Variants in LYN observed in about 807,000 individuals in gnomAD.
LYN encodes LYN proto-oncogene, Src family tyrosine kinase, also known as tyrosine-protein kinase Lyn.
A neutral mutation model predicts 65.0 loss-of-function variants in LYN; 12 were observed. The observed-to-expected ratio is 0.18, with a 90% CI of 0.12 to 0.30. LYN has a LOEUF of 0.30. Ranked by LOEUF, LYN falls within the 10% of genes least tolerant of loss-of-function variation. The pLI, the probability that LYN is intolerant of heterozygous loss-of-function variation, is 1.00. For missense variants in LYN, 380 were observed against 623.2 expected (o/e 0.61, Z 4.16); for synonymous variants, 222 against 221.2 (o/e 1.00, Z -0.03).
intron 8 of LYN, among the ~76,000 whole-genome samples, chr8:55,964,468 A>G (rs955498139): frequency 2.0e-5 from 3 of 152,232 alleles, no homozygotes; most frequent in African/African-American, 7.2e-5. Flanking sequence ...ACATCATTGG[A>G]TAGGTTGACT....
At chr8:55,942,804 G>C (rs886272614) in intron 2 of LYN, among the ~76,000 whole-genome samples, 1 of 139,916 alleles carries the variant, frequency 7.1e-6, no homozygotes, top group South Asian at 2.2e-4. Flanking sequence ...AAAAAAAAAA[G>C]ATGTAGTGAG....
rs1808776958 is a variant in LYN at position 56,010,216 on chromosome 8, C to T, written c.*106C>T. ...GATTTCATGTGCGGGGATCATCTGCCGTGCCTGGATCCTGAAATAGAGGCT... is the reference window on the plus strand; with the variant it reads ...GATTTCATGTGCGGGGATCATCTGCTGTGCCTGGATCCTGAAATAGAGGCT... On this transcript the variant is annotated 3_prime_UTR_variant, in exon 13 of 13. Transcript: ENST00000519728. 3.5e-6 allele frequency: 4 copies of T among 1,149,254 alleles called. No homozygotes were observed. In the African/African-American group the frequency reaches 4.6e-5, roughly 13 times the overall value. 71.2% of individuals were successfully genotyped at this position (1,149,254 alleles called of 1,614,324 possible). A position where few individuals can be genotyped will look rare whatever the true frequency, so the allele number is the denominator to read the frequency against.
rs576382993 is a variant in LYN, at chr8:55,946,884, C to T, written c.178+391C>T. ...ATTATTTCACTTAGCCTGATGTCCT[C>T]AAGGTTCATCCATGCTGTAGAAAGT... is the stretch of plus-strand genomic sequence containing the variant. On this transcript the variant is annotated intron_variant, in intron 3 of 12. Coordinates refer to ENST00000519728, the MANE Select transcript of LYN (RefSeq NM_002350.4). Among the ~76,000 whole-genome samples the T allele has an allele frequency of 5.9e-5, 9 of 152,324 alleles. No individual in the cohort carries two copies. The South Asian group carries it at 1.9e-3, about 32-fold the overall frequency.
chr8:55,986,050 T>A (rs1354754998), intron 10 of LYN, among the ~76,000 whole-genome samples: 1 of 152,010 alleles, frequency 6.6e-6, no homozygotes, highest in East Asian at 1.9e-4. Flanking sequence ...GCACCTGTGG[T>A]CCCAGTTACT....
intron 10 of LYN, among the ~76,000 whole-genome samples, chr8:55,971,156 A>T (rs1807598669): frequency 6.6e-6 from 1 of 152,232 alleles, no homozygotes. Context: ...CCAACATCTA[A>T]TAAGAAAGAA....
Position 55,958,846 on chromosome 8 carries a change from G to A in LYN, c.790+4862G>A, listed in dbSNP as rs529111640. Among the ~76,000 whole-genome samples, 3 of 152,196 alleles carry A rather than the reference G, an allele frequency of 2.0e-5. No homozygotes were observed. The South Asian group carries it at 6.2e-4, about 32-fold the overall frequency. Reference sequence around the variant, plus strand: ...CCTTTATATGCATACATAACCTTTTGTTTATTCATCTATTGATGGACAATT... The same window carrying A: ...CCTTTATATGCATACATAACCTTTTATTTATTCATCTATTGATGGACAATT... On this transcript the variant is annotated intron_variant, in intron 8 of 12. Coordinates refer to ENST00000519728, the MANE Select transcript of LYN (RefSeq NM_002350.4).
At chr8:56,003,469 A>C (rs1808587623) in intron 12 of LYN, among the ~76,000 whole-genome samples, 1 of 152,156 alleles carries the variant, frequency 6.6e-6, no homozygotes. Flanking sequence ...GTTCGAGACC[A>C]GCCTGGACAA....
At chr8:55,906,746 G>GA (rs11417224) in intron 1 of LYN, among the ~76,000 whole-genome samples, 26,018 of 150,946 alleles carry the variant, frequency 0.17, 2,397 homozygotes, top group Middle Eastern at 0.29. Flanking sequence ...GAGAGAGAGA[G>GA]GAGAGAGAGA....
At chr8:55,966,531 C>T (rs1368902528) in intron 8 of LYN, among the ~76,000 whole-genome samples, 184 bp from the exon 9 acceptor site, 2 of 152,050 alleles carry the variant, frequency 1.3e-5, no homozygotes, top group Non-Finnish European at 2.9e-5. Flanking sequence ...CCACACCCAG[C>T]TAATTTTTGT....
intron 6 of LYN, 80 bp downstream of exon 6, chr8:55,950,864 G>GA (rs1197997923): frequency 1.0e-6 from 1 of 996,344 alleles, no homozygotes; most frequent in Non-Finnish European, 1.6e-6. Flanking sequence ...TACTCAAGGG[G>GA]AAAAAAGGGC....
intron 11 of LYN, among the ~76,000 whole-genome samples, chr8:55,999,092 C>A (rs951977431): frequency 6.6e-6 from 1 of 152,176 alleles, no homozygotes; most frequent in Admixed American, 6.5e-5. Flanking sequence ...GGATTGCCCA[C>A]GTGGTTATGA....
chr8:55,903,372 C>T (rs1233170296), intron 1 of LYN, among the ~76,000 whole-genome samples: 1 of 152,162 alleles, frequency 6.6e-6, no homozygotes, highest in African/African-American at 2.4e-5. Flanking sequence ...TTCAAAAGAA[C>T]AGAGAGATTC....
chr8:55,941,818 A>G, intron 1 of LYN, 37 bp from the exon 2 acceptor site: 9 of 1,579,620 alleles, frequency 5.7e-6, no homozygotes, highest in Non-Finnish European at 7.8e-6. Context: ...CAGTTCTGGA[A>G]TGGTAAAACA....
chr8:55,972,253 A>G (rs920733405), intron 10 of LYN, among the ~76,000 whole-genome samples: 1 of 152,100 alleles, frequency 6.6e-6, no homozygotes, highest in African/African-American at 2.4e-5. Context: ...TTTTCCTTAC[A>G]ACTAAGCACT....
chr8:55,910,264 A>G (rs775346076), intron 1 of LYN, among the ~76,000 whole-genome samples: 2 of 152,070 alleles, frequency 1.3e-5, no homozygotes, highest in Non-Finnish European at 2.9e-5. Context: ...TTCTTCTAGT[A>G]TTTTTATGCT....
intron 9 of LYN, among the ~76,000 whole-genome samples, chr8:55,968,706 A>G (rs1429946030): frequency 6.6e-6 from 1 of 152,226 alleles, no homozygotes; most frequent in African/African-American, 2.4e-5. Flanking sequence ...TTTACTGAGC[A>G]CTTGCTACCT....
At chr8:55,987,406 C>CAAAAAAA (rs879257306) in intron 10 of LYN, among the ~76,000 whole-genome samples, 1 of 107,276 alleles carries the variant, frequency 9.3e-6, no homozygotes, top group African/African-American at 3.5e-5. Context: ...GACTTCATCT[C>CAAAAAAA]AAAAAAAAAA....
intron 1 of LYN, among the ~76,000 whole-genome samples, chr8:55,941,389 T>A (rs1563520668): frequency 1.3e-5 from 2 of 152,338 alleles, no homozygotes. Context: ...AGGGGCCATG[T>A]TATCTTGAGC....
Position 55,947,599 on chromosome 8 carries a change from C to G in LYN, c.179-19C>G. 1 of 1,555,170 alleles carries G rather than the reference C, an allele frequency of 6.4e-7. No homozygotes were observed. ...CTGCTGATGGATTCTTACAGGTGTT[C>G]TCTTGTGTTCATCTTTAGATCCAGA... On this transcript the variant is annotated intron_variant, in intron 3 of 12. Coordinates refer to ENST00000519728, the MANE Select transcript of LYN (RefSeq NM_002350.4).
Sources: gnomAD v4.1 joint callset for allele counts (sites outside exome capture counted in the v4.1 genomes callset) on GRCh38, gnomAD v4.1.1 for gene constraint, MANE v1.5 for transcripts, NCBI Gene and HGNC (gene_info 2026-07-23, HGNC 2026-07-21) for gene names.